The following GRID2 variants were observed in gnomAD, a reference collection of about 807,000 sequenced individuals.
The protein encoded by GRID2 is glutamate ionotropic receptor delta type subunit 2, also known as glutamate receptor ionotropic, delta-2.
In GRID2, 33 loss-of-function variants were observed where a neutral mutation model predicts 114.8. That is an observed-to-expected ratio of 0.29 (90% confidence interval 0.22 to 0.38). The LOEUF (loss-of-function observed/expected upper bound fraction) is 0.38, where lower values mean the gene tolerates loss of function less well. Ranked by LOEUF, GRID2 falls within the 10% of genes least tolerant of loss-of-function variation. The pLI is 1.00. For synonymous variants in GRID2, 505 were observed against 449.9 expected (o/e 1.12, Z -1.55); for missense variants, 1,184 against 1,257.7 (o/e 0.94, Z 0.89).
intron 1 of GRID2, among the ~76,000 whole-genome samples, chr4:92,387,495 A>C (rs991718407): frequency 6.6e-6 from 1 of 151,940 alleles, no homozygotes; most frequent in Non-Finnish European, 1.5e-5. Context: ...AAAGAGGGAT[A>C]TTTCTTGAGG....
intron 13 of GRID2, among the ~76,000 whole-genome samples, chr4:93,625,056 A>G (rs879285816): frequency 6.6e-6 from 1 of 152,234 alleles, no homozygotes; most frequent in Non-Finnish European, 1.5e-5. Context: ...TTAGAAGGAC[A>G]CAGGACAGGA....
At chr4:93,395,210 A>G (rs1472484460) in intron 8 of GRID2, among the ~76,000 whole-genome samples, 1 of 151,992 alleles carries the variant, frequency 6.6e-6, no homozygotes, top group African/African-American at 2.4e-5. Context: ...GCCATATAAG[A>G]TCAAATTAAA....
rs149814818 is a variant in GRID2, at chr4:93,214,907, G to A, written c.790-1831G>A. On this transcript the variant is annotated intron_variant, in intron 5 of 15. Coordinates refer to ENST00000282020, the MANE Select transcript of GRID2 (RefSeq NM_001510.4). ...AAATAATTCCTGTAAGGAAATATGGGCATGTATAACTTCTTCAGAGACTGT... is the reference window on the plus strand; with the variant it reads ...AAATAATTCCTGTAAGGAAATATGGACATGTATAACTTCTTCAGAGACTGT... 4.9e-3 allele frequency among the ~76,000 whole-genome samples: 739 copies of A among 152,002 alleles called. 7 individuals are homozygous for A. The highest frequency in any genetic ancestry group is 0.017 in the African/African-American group (713 of 41,520).
rs1197697106 is a variant in GRID2, at chr4:93,186,037, G to C, written c.736-21367G>C. 2.0e-5 allele frequency among the ~76,000 whole-genome samples: 3 copies of C among 152,126 alleles called. No homozygotes were observed. The East Asian group carries it at 5.8e-4, about 29-fold the overall frequency. On this transcript the variant is annotated intron_variant, in intron 4 of 15. Coordinates refer to ENST00000282020, the MANE Select transcript of GRID2 (RefSeq NM_001510.4). ...TTGTGATAGTTTGCTGAGAATGATG[G>C]TTTCCATCTTCATCCATGTCCCTGA...
intron 7 of GRID2, among the ~76,000 whole-genome samples, chr4:93,234,167 G>C (rs1746486426): frequency 6.6e-6 from 1 of 151,892 alleles, no homozygotes; most frequent in Non-Finnish European, 1.5e-5. Context: ...TTTTTGTCAT[G>C]GGGATTTAAA....
chr4:93,161,083 A>G (rs1427649406), intron 4 of GRID2, among the ~76,000 whole-genome samples: 1 of 151,876 alleles, frequency 6.6e-6, no homozygotes, highest in East Asian at 1.9e-4. Flanking sequence ...AGCATATCAT[A>G]CAGTCATCAT....
intron 4 of GRID2, among the ~76,000 whole-genome samples, chr4:93,147,501 CAG>C (rs906194852): frequency 3.3e-5 from 5 of 151,966 alleles, no homozygotes; most frequent in South Asian, 4.1e-4. Context: ...CATGGAAAAA[CAG>C]AAATAGTGAA....
chr4:93,271,579 C>T lies in GRID2; in HGVS notation c.1245+33089C>T, dbSNP rs186276864. ...TAGAAGCCTCAATATCTAACCAGGG[C>T]CAGAGTTTGAATTTTCACTAAGGTT... is the stretch of plus-strand genomic sequence containing the variant. On this transcript the variant is annotated intron_variant, in intron 8 of 15. Coordinates refer to ENST00000282020, the MANE Select transcript of GRID2 (RefSeq NM_001510.4). Among the ~76,000 whole-genome samples, 8 of 152,154 alleles carry T rather than the reference C, an allele frequency of 5.3e-5. No individual in the cohort carries two copies. In the East Asian group the frequency reaches 1.4e-3, roughly 26 times the overall value.
intron 1 of GRID2, among the ~76,000 whole-genome samples, chr4:92,407,377 G>C (rs1165593125): frequency 6.6e-6 from 1 of 152,164 alleles, no homozygotes; most frequent in Non-Finnish European, 1.5e-5. Flanking sequence ...ATTGTGAATA[G>C]TGCTGCAGTG....
chr4:92,871,985 A>G (rs1578356782), intron 2 of GRID2, among the ~76,000 whole-genome samples: 1 of 152,036 alleles, frequency 6.6e-6, no homozygotes. Flanking sequence ...AAACTCTCCA[A>G]TAAATCTGTG....
At chr4:92,350,366 G>C (rs1164703943) in intron 1 of GRID2, among the ~76,000 whole-genome samples, 1 of 151,356 alleles carries the variant, frequency 6.6e-6, no homozygotes, top group Non-Finnish European at 1.5e-5. Flanking sequence ...CAGTCTTTCT[G>C]GATACTTATT....
At chr4:93,661,926 A>C (rs1020124374) in intron 14 of GRID2, among the ~76,000 whole-genome samples, 2 of 152,098 alleles carry the variant, frequency 1.3e-5, no homozygotes, top group Non-Finnish European at 2.9e-5. Flanking sequence ...TCAGAATCAA[A>C]GGCAAAGTTA....
intron 10 of GRID2, among the ~76,000 whole-genome samples, chr4:93,443,268 C>T (rs1193804607): frequency 6.6e-6 from 1 of 151,970 alleles, no homozygotes; most frequent in Non-Finnish European, 1.5e-5. Flanking sequence ...ACATAATTCC[C>T]TATAATGCCT....
chr4:93,470,925 G>A (rs1724744684), intron 11 of GRID2, among the ~76,000 whole-genome samples: 1 of 150,236 alleles, frequency 6.7e-6, no homozygotes, highest in South Asian at 2.1e-4. Context: ...TGTAAAATGT[G>A]GCTCATTCTT....
chr4:93,114,045 A>C (rs1210842840), intron 4 of GRID2, among the ~76,000 whole-genome samples: 2 of 152,162 alleles, frequency 1.3e-5, no homozygotes, highest in African/African-American at 4.8e-5. Context: ...TATCAGAACC[A>C]GGGATATCTG....
chr4:92,897,723 T>A (rs985491380), intron 2 of GRID2, among the ~76,000 whole-genome samples: 2 of 152,204 alleles, frequency 1.3e-5, no homozygotes, highest in African/African-American at 4.8e-5. Context: ...CTTGGAAATA[T>A]TGCTGGAACA....
chr4:92,644,938 G>A (rs1731538088), intron 2 of GRID2, among the ~76,000 whole-genome samples: 1 of 150,964 alleles, frequency 6.6e-6, no homozygotes, highest in South Asian at 2.1e-4. Context: ...TTATAGAACA[G>A]CTGTCATCCA....
chr4:92,793,438 T>C (rs987474258), intron 2 of GRID2, among the ~76,000 whole-genome samples: 1 of 151,532 alleles, frequency 6.6e-6, no homozygotes, highest in Non-Finnish European at 1.5e-5. Context: ...AAATAACTAA[T>C]GGGTACTAGG....
At chr4:92,897,556 C>T (rs1208926094) in intron 2 of GRID2, among the ~76,000 whole-genome samples, 1 of 152,140 alleles carries the variant, frequency 6.6e-6, no homozygotes. Flanking sequence ...CACGTGGGTG[C>T]CCTGGCTTCC....
Sources: allele counts gnomAD v4.1 joint callset (sites outside exome capture counted in the v4.1 genomes callset), GRCh38; gene constraint gnomAD v4.1.1; transcripts MANE v1.5; gene names NCBI Gene and HGNC (gene_info 2026-07-23, HGNC 2026-07-21).